EXOC1: variants seen among roughly 807,000 people sequenced by gnomAD.
EXOC1 encodes SEC3-like 1.
A neutral mutation model predicts 107.7 loss-of-function variants in EXOC1; 67 were observed. The observed-to-expected ratio is 0.62, with a 90% CI of 0.51 to 0.76. The LOEUF is 0.76. Ranked by LOEUF, EXOC1 falls within the 30% of genes least tolerant of loss-of-function variation. The pLI is 0.00. For missense variants in EXOC1, 833 were observed against 1,055.7 expected (o/e 0.79, Z 2.92); for synonymous variants, 348 against 353.5 (o/e 0.98, Z 0.17).
At chr4:55,877,302 G>A in intron 8 of EXOC1, 6 of 985,334 alleles carry the variant, frequency 6.1e-6, no homozygotes, top group Non-Finnish European at 7.2e-6. Context: ...TGGCTATCTA[G>A]GCAAATTAGA....
intron 5 of EXOC1, among the ~76,000 whole-genome samples, chr4:55,870,454 A>G (rs11931435): frequency 0.036 from 5,554 of 152,320 alleles, 342 homozygotes; most frequent in African/African-American, 0.13. Flanking sequence ...GGTCCCTAAC[A>G]TTGATTTAGA....
At chr4:55,855,022 G>T (rs76724260) in intron 1 of EXOC1, among the ~76,000 whole-genome samples, 4 of 152,222 alleles carry the variant, frequency 2.6e-5, no homozygotes, top group South Asian at 4.1e-4. Flanking sequence ...AAACCATGAA[G>T]TGTAATTAGG....
At position 55,858,304 on chromosome 4, in the gene EXOC1, C is replaced by T. The variant is rs1171324820; in HGVS notation, c.-10-10C>T. ...GGGTGAGCTTAATATCTATACTCCA[C>T]ATTTTTCAGCTGAGAAAAGATGACA... On this transcript the variant is annotated splice_polypyrimidine_tract_variant and intron_variant, in intron 1 of 18. Coordinates refer to ENST00000381295, the MANE Select transcript of EXOC1 (RefSeq NM_001024924.2). 5 of 1,596,196 alleles carry T rather than the reference C, an allele frequency of 3.1e-6. No individual in the cohort carries two copies. The highest frequency in any genetic ancestry group is 2.6e-6 in the Non-Finnish European group (3 of 1,172,676).
At chr4:55,890,135 A>G in intron 11 of EXOC1, 88 bp from the exon 12 acceptor site, 1 of 1,290,292 alleles carries the variant, frequency 7.8e-7, no homozygotes, top group Non-Finnish European at 1.1e-6. Flanking sequence ...AGATCAAGCC[A>G]GTAGAAGATA....
intron 16 of EXOC1, among the ~76,000 whole-genome samples, chr4:55,897,168 C>T (rs1487720142): frequency 6.6e-6 from 1 of 151,344 alleles, no homozygotes; most frequent in Non-Finnish European, 1.5e-5. Context: ...ACTCTGTCGC[C>T]CAGGCTGGAG....
chr4:55,891,476 T>G (rs1724540161), intron 13 of EXOC1, 54 bp downstream of exon 13: 1 of 1,162,132 alleles, frequency 8.6e-7, no homozygotes, highest in Non-Finnish European at 1.3e-6. Flanking sequence ...TATAATTAGC[T>G]TAATTAATAT....
At chr4:55,884,385 T>C (rs1179560645) in intron 10 of EXOC1, among the ~76,000 whole-genome samples, 1 of 152,242 alleles carries the variant, frequency 6.6e-6, no homozygotes, top group African/African-American at 2.4e-5. Flanking sequence ...TCTCACTGGC[T>C]ATTTTGAATC....
Position 55,877,292 on chromosome 4 carries a change from T to C in EXOC1, c.1075-625T>C, listed in dbSNP as rs775564671. On this transcript the variant is annotated intron_variant, in intron 8 of 18. Coordinates refer to ENST00000381295, the MANE Select transcript of EXOC1 (RefSeq NM_001024924.2). ...TCACAAAATGCTGACAAATAACTTCTGGCTATCTAGGCAAATTAGATTGAG... is the reference window on the plus strand; with the variant it reads ...TCACAAAATGCTGACAAATAACTTCCGGCTATCTAGGCAAATTAGATTGAG... 8 of 985,282 alleles carry C rather than the reference T, an allele frequency of 8.1e-6. No homozygotes were observed. The African/African-American group carries it at 1.2e-4, about 15-fold the overall frequency. 61.0% of individuals were successfully genotyped at this position (985,282 alleles called of 1,614,324 possible). A position where few individuals can be genotyped will look rare whatever the true frequency, so the allele number is the denominator to read the frequency against.
chr4:55,865,568 A>G (rs1721881591), intron 4 of EXOC1, among the ~76,000 whole-genome samples: 1 of 152,194 alleles, frequency 6.6e-6, no homozygotes, highest in African/African-American at 2.4e-5. Flanking sequence ...TTTGCTTCGA[A>G]TGGCTTTTAT....
chr4:55,885,382 T>C (rs2109433675), intron 10 of EXOC1, among the ~76,000 whole-genome samples: 1 of 152,320 alleles, frequency 6.6e-6, no homozygotes, highest in Middle Eastern at 3.4e-3. Context: ...AGTATCTTAA[T>C]GTTATCATTG....
chr4:55,903,328 T>C (rs1451543841), intron 18 of EXOC1, among the ~76,000 whole-genome samples: 1 of 151,824 alleles, frequency 6.6e-6, no homozygotes, highest in African/African-American at 2.4e-5. Flanking sequence ...CAGATATGAG[T>C]GAGAGTAATT....
intron 3 of EXOC1, among the ~76,000 whole-genome samples, chr4:55,863,951 A>T (rs1721717600): frequency 6.6e-6 from 1 of 152,232 alleles, no homozygotes; most frequent in South Asian, 2.1e-4. Flanking sequence ...AAGCTAAGCC[A>T]CAAAGCCATT....
intron 8 of EXOC1, chr4:55,877,642 T>G (rs557758809): frequency 3.5e-5 from 34 of 985,392 alleles, no homozygotes; most frequent in Admixed American, 2.5e-4. Flanking sequence ...ACGTTCCATC[T>G]TCATTCCTTT....
chr4:55,863,901 C>A (rs1577696915), intron 3 of EXOC1, among the ~76,000 whole-genome samples: 1 of 152,162 alleles, frequency 6.6e-6, no homozygotes, highest in East Asian at 1.9e-4. Flanking sequence ...AAATTAGGTC[C>A]ATGTCAAAGC....
At chr4:55,894,433 GTTC>G (rs1378607885) in intron 15 of EXOC1, among the ~76,000 whole-genome samples, 2 of 151,178 alleles carry the variant, frequency 1.3e-5, no homozygotes, top group Admixed American at 1.3e-4. Context: ...TATTGTTATT[GTTC>G]TTCTTTTAAT....
At chr4:55,875,378 G>T (rs1343044694) in intron 8 of EXOC1, 1 of 929,940 alleles carries the variant, frequency 1.1e-6, no homozygotes, top group Non-Finnish European at 1.3e-6. Flanking sequence ...TTTAAGAAAA[G>T]AATAAGTAAG....
At chr4:55,899,280 T>C (rs1246177842) in intron 16 of EXOC1, among the ~76,000 whole-genome samples, 2 of 152,150 alleles carry the variant, frequency 1.3e-5, no homozygotes, top group Non-Finnish European at 2.9e-5. Flanking sequence ...AGTTATATTT[T>C]CTTTAGTACT....
At chr4:55,871,670 C>A (rs1038693394) in intron 7 of EXOC1, among the ~76,000 whole-genome samples, 179 bp from the exon 8 acceptor site, 1 of 152,112 alleles carries the variant, frequency 6.6e-6, no homozygotes, top group East Asian at 1.9e-4. Flanking sequence ...GAGGCAAGAC[C>A]ACACTTTGAG....
At chr4:55,876,389 G>A (rs1230382150) in intron 8 of EXOC1, 2 of 795,074 alleles carry the variant, frequency 2.5e-6, no homozygotes, top group Non-Finnish European at 3.0e-6. Flanking sequence ...AAGCAATACA[G>A]TATATATACT....
Sources: allele counts gnomAD v4.1 joint callset (sites outside exome capture counted in the v4.1 genomes callset), GRCh38; gene constraint gnomAD v4.1.1; transcripts MANE v1.5; gene names NCBI Gene and HGNC (gene_info 2026-07-23, HGNC 2026-07-21).